Variants in MYOM3 observed in about 807,000 individuals in gnomAD.
MYOM3 encodes the protein myomesin-3.
Under a neutral mutation model 191.7 loss-of-function variants are expected in MYOM3, and 155 were observed. The observed-to-expected ratio is 0.81, with a 90% CI of 0.71 to 0.92. MYOM3 has a LOEUF of 0.92. Among genes scored for constraint, MYOM3 ranks in the 40% least tolerant of loss-of-function variants. MYOM3 has a pLI of 0.00. For missense variants in MYOM3, 1,889 were observed against 1,890.6 expected (o/e 1.00, Z 0.02); for synonymous variants, 757 against 762.9 (o/e 0.99, Z 0.13).
chr1:24,080,789 G>A (rs1643658932), intron 19 of MYOM3, among the ~76,000 whole-genome samples: 1 of 152,186 alleles, frequency 6.6e-6, no homozygotes, highest in African/African-American at 2.4e-5. Context: ...CACTGAGGTA[G>A]AGGTTTTGTG....
chr1:24,098,616 G>T (rs1198838842), intron 6 of MYOM3, among the ~76,000 whole-genome samples: 3 of 152,216 alleles, frequency 2.0e-5, no homozygotes, highest in Non-Finnish European at 2.9e-5. Context: ...GCAAGCAGAG[G>T]CCCCTTGGTG....
At chr1:24,077,115 A>G (rs1334218061) in intron 20 of MYOM3, among the ~76,000 whole-genome samples, 2 of 152,056 alleles carry the variant, frequency 1.3e-5, no homozygotes. Context: ...CAGCCACTGC[A>G]CCTGGCCTCC....
At chr1:24,089,097 A>C (rs550286689) in intron 14 of MYOM3, among the ~76,000 whole-genome samples, 18 of 152,080 alleles carry the variant, frequency 1.2e-4, no homozygotes, top group African/African-American at 4.3e-4. Flanking sequence ...GCCACCTCCT[A>C]GTGCTAATCA....
rs373445539 is a variant in MYOM3 at position 24,061,046 on chromosome 1, A to G, written c.3994+14T>C. 5.6e-5 allele frequency: 91 copies of G among 1,613,838 alleles called. No homozygotes were observed. Among genetic ancestry groups the G allele is most frequent in the Middle Eastern group, 4.9e-4 (3 of 6,082 alleles). Reference sequence around the variant, plus strand: ...ATTCAGAAACAAAAACAACAGAAATATCGGCCGACTTACTCTTCTCGATGA... The same window carrying G: ...ATTCAGAAACAAAAACAACAGAAATGTCGGCCGACTTACTCTTCTCGATGA... On this transcript the variant is annotated intron_variant, in intron 35 of 36. Coordinates refer to ENST00000374434, the MANE Select transcript of MYOM3 (RefSeq NM_152372.4).
In MYOM3 at chr1:24,056,701, C is replaced by G. The variant is rs964997263; in HGVS notation, c.*663G>C. On this transcript the variant is annotated 3_prime_UTR_variant, in exon 37 of 37. Coordinates refer to ENST00000374434, the MANE Select transcript of MYOM3 (RefSeq NM_152372.4). ...AGGTGTTTTCAAAGCCCTACCTCCCCCTGTTGGGACGACCCTCTGTCTCCC... is the reference window on the plus strand; with the variant it reads ...AGGTGTTTTCAAAGCCCTACCTCCCGCTGTTGGGACGACCCTCTGTCTCCC... The G allele has an allele frequency of 6.6e-6, 1 of 152,536 alleles. No homozygotes were observed. The highest frequency in any genetic ancestry group is 1.5e-5 in the Non-Finnish European group (1 of 68,316). The allele number at this position is 152,536 out of a possible 1,614,324, so 9.4% of individuals were successfully genotyped here. A position where few individuals can be genotyped will look rare whatever the true frequency, so the allele number is the denominator to read the frequency against.
chr1:24,092,843 G>GC (rs2148556429), intron 10 of MYOM3, 104 bp downstream of exon 10: 1 of 1,147,524 alleles, frequency 8.7e-7, no homozygotes, highest in East Asian at 2.9e-5. Context: ...AGAAATTGAG[G>GC]CCCCAAGAGA....
At chr1:24,067,853 G>T in intron 27 of MYOM3, 117 bp downstream of exon 27, 2 of 944,820 alleles carry the variant, frequency 2.1e-6, no homozygotes, top group Non-Finnish European at 1.7e-6. Context: ...TGGACTGAAT[G>T]ACAGTGGACC....
chr1:24,063,789 A>T lies in MYOM3; in HGVS notation c.3623-259T>A, dbSNP rs1038655915. Among the ~76,000 whole-genome samples, 23 of 152,112 alleles carry T rather than the reference A, an allele frequency of 1.5e-4. No homozygotes were observed. Among genetic ancestry groups the T allele is most frequent in the Admixed American group, 1.1e-3 (17 of 15,286 alleles). ...TTTGCAGGCTGAGCTGATCAGCCTGATGAGGAGCCTGGGCCCACTGTGGGA... is the reference window on the plus strand; with the variant it reads ...TTTGCAGGCTGAGCTGATCAGCCTGTTGAGGAGCCTGGGCCCACTGTGGGA... On this transcript the variant is annotated intron_variant, in intron 30 of 36. Transcript: ENST00000374434. The surrounding 1 kb of genome is among the most constrained non-coding windows in gnomAD (Gnocchi z 4.5).
At chr1:24,075,101 G>GAAAAGAAAAT (rs1291948062) in intron 22 of MYOM3, among the ~76,000 whole-genome samples, 2 of 151,920 alleles carry the variant, frequency 1.3e-5, no homozygotes, top group African/African-American at 4.8e-5. Context: ...GAAAAGAAAA[G>GAAAAGAAAAT]AAAAGAAGAG....
chr1:24,084,196 G>A (rs1643707639), intron 16 of MYOM3: 1 of 407,056 alleles, frequency 2.5e-6, no homozygotes, highest in Admixed American at 4.0e-5. Flanking sequence ...TAGGGAGCAA[G>A]TTCTCATGAG....
intron 5 of MYOM3, among the ~76,000 whole-genome samples, chr1:24,100,328 C>T (rs996629651): frequency 1.3e-5 from 2 of 152,168 alleles, no homozygotes; most frequent in Non-Finnish European, 2.9e-5. Flanking sequence ...TAAAGCCTTT[C>T]CCCTGTGCCC....
chr1:24,069,756 C>T (rs186251218), intron 25 of MYOM3, among the ~76,000 whole-genome samples: 358 of 152,018 alleles, frequency 2.4e-3, no homozygotes, highest in African/African-American at 8.2e-3. Flanking sequence ...AGTACAGGTG[C>T]GCACCACCAT....
chr1:24,059,924 G>A (rs1393301769), intron 35 of MYOM3, among the ~76,000 whole-genome samples: 1 of 152,178 alleles, frequency 6.6e-6, no homozygotes, highest in Non-Finnish European at 1.5e-5. Context: ...GGGTGAAAGG[G>A]GAGCAGGACC....
At chr1:24,061,337 G>A (rs1327862488) in intron 33 of MYOM3, 28 bp from the exon 34 acceptor site, 1 of 1,611,666 alleles carries the variant, frequency 6.2e-7, no homozygotes, top group Non-Finnish European at 8.5e-7. Context: ...GAGAATGGGG[G>A]CCATCAGGGC....
chr1:24,072,090 G>T, intron 23 of MYOM3, 77 bp from the exon 24 acceptor site: 27 of 1,430,152 alleles, frequency 1.9e-5, no homozygotes, highest in Non-Finnish European at 2.3e-5. Context: ...CACAGGAGCC[G>T]TCCTAGGATC....
At chr1:24,110,900 C>T (rs567674976) in intron 1 of MYOM3, among the ~76,000 whole-genome samples, 3 of 152,294 alleles carry the variant, frequency 2.0e-5, no homozygotes, top group South Asian at 2.1e-4. Context: ...TCCTGGGACA[C>T]GATGGCCCTG....
intron 10 of MYOM3, among the ~76,000 whole-genome samples, chr1:24,092,707 C>G (rs934776809): frequency 6.6e-6 from 1 of 152,158 alleles, no homozygotes; most frequent in Non-Finnish European, 1.5e-5. Context: ...CACTCCAGCC[C>G]CACACTCAGC....
chr1:24,071,223 T>G lies in MYOM3; in HGVS notation c.3044A>C (p.Asp1015Ala). 6.2e-7 allele frequency: 1 copy of G among 1,613,738 alleles called. No individual in the cohort carries two copies. Among genetic ancestry groups the G allele is most frequent in the Non-Finnish European group, 8.5e-7 (1 of 1,179,850 alleles). The stretch of plus-strand genomic sequence containing the variant: ...CCGCACCTCCCCTCGCTCCAGGATG[T>G]CAATGTTCCAGCCGGAGATCAGTTT... ...VIKLISGWNI[D>A]ILERGEVRLW... The change falls in exon 25 of 37, where the codon GAC (aspartate) becomes GCC (alanine). Residue 1015 changes from aspartate (D) to alanine (A), a missense_variant. Transcript: ENST00000374434.
intron 7 of MYOM3, among the ~76,000 whole-genome samples, chr1:24,095,750 A>G (rs1643875489): frequency 6.6e-6 from 1 of 152,148 alleles, no homozygotes; most frequent in East Asian, 1.9e-4. Flanking sequence ...CAGGTTCTCA[A>G]TACATGCTGG....
Sources: allele counts gnomAD v4.1 joint callset (sites outside exome capture counted in the v4.1 genomes callset), GRCh38; gene constraint gnomAD v4.1.1; non-coding constraint Gnocchi (gnomAD v3.1); transcripts MANE v1.5; gene names NCBI Gene and HGNC (gene_info 2026-07-23, HGNC 2026-07-21).